The following NOL4 variants were observed in gnomAD, a reference collection of about 807,000 sequenced individuals.
The protein encoded by NOL4 is cancer/testis antigen 125.
Under a neutral mutation model 75.9 loss-of-function variants are expected in NOL4, and 17 were observed. That is an observed-to-expected ratio of 0.22 (90% confidence interval 0.15 to 0.34). NOL4 has a LOEUF of 0.34. NOL4 is among the 10% of genes least tolerant of loss of function. The probability of loss-of-function intolerance (pLI) is 1.00; values close to 1 mark genes in which losing one functional copy is unlikely to be tolerated. For synonymous variants in NOL4, 292 were observed against 289.9 expected (o/e 1.01, Z -0.07); for missense variants, 614 against 793.5 (o/e 0.77, Z 2.72).
intron 5 of NOL4, among the ~76,000 whole-genome samples, chr18:34,039,747 G>A (rs1380900784): frequency 2.0e-5 from 3 of 151,882 alleles, no homozygotes; most frequent in Non-Finnish European, 4.4e-5. Flanking sequence ...TGATATAAAG[G>A]AAAAACATAT....
intron 8 of NOL4, 133 bp downstream of exon 8, chr18:33,957,193 C>T (rs2069714777): frequency 3.2e-6 from 2 of 633,590 alleles, no homozygotes; most frequent in Non-Finnish European, 5.2e-6. Flanking sequence ...AACAAACGAG[C>T]AAACAAAACC....
rs188411771 is a variant in NOL4 at position 33,973,350 on chromosome 18, G to A, written c.1057-14932C>T. The stretch of plus-strand genomic sequence containing the variant: ...TCTACTTCTCTTGCTATTTCCACAC[G>A]TCTACAATGACTTCCTCTACTGAAG... On this transcript the variant is annotated intron_variant, in intron 6 of 10. Coordinates refer to ENST00000261592, the MANE Select transcript of NOL4 (RefSeq NM_003787.5). Among the ~76,000 whole-genome samples, 368 of 152,106 alleles carry A rather than the reference G, an allele frequency of 2.4e-3. 1 individual carries two copies. The highest frequency in any genetic ancestry group is 0.014 in the Middle Eastern group (4 of 292).
chr18:34,151,825 T>C (rs1337373160), intron 1 of NOL4, among the ~76,000 whole-genome samples: 2 of 151,800 alleles, frequency 1.3e-5, no homozygotes, highest in Non-Finnish European at 1.5e-5. Flanking sequence ...AACTCTGTAC[T>C]TTTGCTCAGT....
At chr18:33,925,370 T>C (rs1279311010) in intron 9 of NOL4, among the ~76,000 whole-genome samples, 1 of 152,144 alleles carries the variant, frequency 6.6e-6, no homozygotes, top group Non-Finnish European at 1.5e-5. Context: ...AGAAAGCATC[T>C]TGTATTTTAA....
intron 5 of NOL4, among the ~76,000 whole-genome samples, chr18:34,038,062 T>G (rs1449948402): frequency 6.6e-6 from 1 of 151,778 alleles, no homozygotes; most frequent in Non-Finnish European, 1.5e-5. Flanking sequence ...ACAAATAATG[T>G]CTTAAAAATT....
chr18:33,912,821 T>C (rs964895662), intron 9 of NOL4, among the ~76,000 whole-genome samples: 2 of 152,118 alleles, frequency 1.3e-5, no homozygotes, highest in African/African-American at 4.8e-5. Context: ...GTCCCCATTG[T>C]ATGCAACCAT....
In NOL4 at chr18:34,183,457, G is replaced by A. The variant is rs904245220; in HGVS notation, c.264+39533C>T. ...CTAGTGTGAATGTAAACTGGGTACCGTCACTTTTGAAAACAGTTTGGCAAC... is the reference window on the plus strand; with the variant it reads ...CTAGTGTGAATGTAAACTGGGTACCATCACTTTTGAAAACAGTTTGGCAAC... On this transcript the variant is annotated intron_variant, in intron 1 of 10. Coordinates refer to ENST00000261592, the MANE Select transcript of NOL4 (RefSeq NM_003787.5). 7 of 151,924 alleles carry A rather than the reference G, an allele frequency of 4.6e-5. No homozygotes were observed. In the South Asian group the frequency reaches 6.2e-4, roughly 14 times the overall value. 9.4% of individuals were successfully genotyped at this position (151,924 alleles called of 1,614,324 possible). A position where few individuals can be genotyped will look rare whatever the true frequency, so the allele number is the denominator to read the frequency against.
intron 2 of NOL4, among the ~76,000 whole-genome samples, chr18:34,119,132 A>G (rs1394262045): frequency 1.3e-5 from 2 of 152,220 alleles, no homozygotes; most frequent in Admixed American, 1.3e-4. Flanking sequence ...TTGTCTAGCA[A>G]CAATCAGTTA....
intron 1 of NOL4, among the ~76,000 whole-genome samples, chr18:34,131,073 G>C (rs1013773065): frequency 7.6e-5 from 11 of 145,324 alleles, no homozygotes; most frequent in African/African-American, 2.5e-4. Context: ...CACATACACC[G>C]ACACACACAC....
chr18:34,119,794 T>C (rs2080046976), intron 2 of NOL4, among the ~76,000 whole-genome samples: 1 of 152,034 alleles, frequency 6.6e-6, no homozygotes, highest in Admixed American at 6.6e-5. Flanking sequence ...GCTAATTTTT[T>C]TGTACTTTTA....
chr18:33,877,996 T>C (rs187240616), intron 10 of NOL4, among the ~76,000 whole-genome samples: 115 of 152,128 alleles, frequency 7.6e-4, no homozygotes, highest in Middle Eastern at 3.4e-3. Flanking sequence ...GAAAGAAAAC[T>C]TCAGGTGAGT....
Position 34,224,541 on chromosome 18 carries a change from C to T in NOL4, c.-1288G>A, listed in dbSNP as rs1423444526. 6.6e-6 allele frequency: 1 copy of T among 152,148 alleles called. No individual in the cohort carries two copies. The highest frequency in any genetic ancestry group is 1.5e-5 in the Non-Finnish European group (1 of 68,148). The allele number at this position is 152,148 out of a possible 1,614,324, so 9.4% of individuals were successfully genotyped here. A position where few individuals can be genotyped will look rare whatever the true frequency, so the allele number is the denominator to read the frequency against. ...TCGCGCGGCGGCTGCGGCCGCTCCT[C>T]TTTATTCTACTCTCACCCGAGGCCC... On this transcript the variant is annotated 5_prime_UTR_variant, in exon 1 of 11. Coordinates refer to ENST00000261592, the MANE Select transcript of NOL4 (RefSeq NM_003787.5).
At chr18:34,194,607 T>A (rs897102325) in intron 1 of NOL4, among the ~76,000 whole-genome samples, 4 of 152,218 alleles carry the variant, frequency 2.6e-5, no homozygotes, top group South Asian at 2.1e-4. Context: ...GCTCAAAATT[T>A]AAATATGTTT....
At chr18:34,017,065 A>T (rs2144385365) in intron 6 of NOL4, among the ~76,000 whole-genome samples, 1 of 152,212 alleles carries the variant, frequency 6.6e-6, no homozygotes, top group East Asian at 1.9e-4. Context: ...AGTGTCTAGC[A>T]AGAGACCCCT....
chr18:33,955,411 T>C (rs571559552), intron 8 of NOL4, among the ~76,000 whole-genome samples: 1 of 152,192 alleles, frequency 6.6e-6, no homozygotes, highest in South Asian at 2.1e-4. Context: ...AAAAAACATA[T>C]AATTTCCTAA....
At chr18:33,922,420 A>G (rs2067093702) in intron 9 of NOL4, among the ~76,000 whole-genome samples, 1 of 152,244 alleles carries the variant, frequency 6.6e-6, no homozygotes, top group Non-Finnish European at 1.5e-5. Flanking sequence ...AACTTCATCA[A>G]TGAAATAATT....
intron 5 of NOL4, among the ~76,000 whole-genome samples, chr18:34,031,661 A>C (rs2075645979): frequency 6.6e-6 from 1 of 152,234 alleles, no homozygotes; most frequent in Non-Finnish European, 1.5e-5. Flanking sequence ...AAAACACTAA[A>C]ATTCAATATG....
chr18:34,055,107 T>G (rs1286383344), intron 5 of NOL4, among the ~76,000 whole-genome samples: 1 of 151,618 alleles, frequency 6.6e-6, no homozygotes, highest in Non-Finnish European at 1.5e-5. Context: ...TTTATATCCA[T>G]TAACATATAT....
chr18:33,927,877 G>A (rs1384770542), intron 9 of NOL4, among the ~76,000 whole-genome samples: 1 of 151,972 alleles, frequency 6.6e-6, no homozygotes, highest in Non-Finnish European at 1.5e-5. Context: ...CACGAGACAT[G>A]TCACACATGA....
Sources: allele counts gnomAD v4.1 joint callset (sites outside exome capture counted in the v4.1 genomes callset), GRCh38; gene constraint gnomAD v4.1.1; transcripts MANE v1.5; gene names NCBI Gene and HGNC (gene_info 2026-07-23, HGNC 2026-07-21).